The following ACSL4 variants were observed in gnomAD, a reference collection of about 807,000 sequenced individuals.
The protein encoded by ACSL4 is long-chain-fatty-acid--CoA ligase 4.
Under a neutral mutation model 49.1 loss-of-function variants are expected in ACSL4, and 9 were observed. The ratio of observed to expected loss-of-function variants is 0.18; its 90% confidence interval spans 0.11 to 0.32. The LOEUF is 0.32. ACSL4 is among the 10% of genes least tolerant of loss of function. The probability of loss-of-function intolerance (pLI) is 1.00; values close to 1 mark genes in which losing one functional copy is unlikely to be tolerated. For missense variants in ACSL4, 333 were observed against 493.7 expected, an observed-to-expected ratio of 0.67 and a Z score of 3.08; for synonymous variants, 191 against 170.3, an observed-to-expected ratio of 1.12 and a Z score of -0.95.
chrX:109,686,531 G>T (rs1480696443), intron 2 of ACSL4, among the ~76,000 whole-genome samples: 1 of 111,578 alleles, frequency 9.0e-6, no homozygotes, highest in East Asian at 2.8e-4. Flanking sequence ...TGCCCCTAAG[G>T]GGTGAGTACC....
At chrX:109,708,648 C>T (rs1308127412) in intron 1 of ACSL4, among the ~76,000 whole-genome samples, 1 of 112,022 alleles carries the variant, frequency 8.9e-6, no homozygotes, top group Non-Finnish European at 1.9e-5. Context: ...CTTTTGGTGT[C>T]CCTTATGTCA....
rs773986020 is a variant in ACSL4 at position 109,644,805 on chromosome X, G to A, written c.1856-619C>T. ...CACTAGGGAGTGCCAGACAGTGGGC[G>A]CAGGTCAGTGGGTGTGCGCACCATG... On this transcript the variant is annotated intron_variant, in intron 15 of 15. Transcript: ENST00000672401. Among the ~76,000 whole-genome samples the A allele has an allele frequency of 1.8e-3, 203 of 112,924 alleles. 2 individuals carry two copies. Among genetic ancestry groups the A allele is most frequent in the Non-Finnish European group, 1.9e-3 (99 of 53,295 alleles).
chrX:109,690,107 T>C (rs5985400), intron 2 of ACSL4, among the ~76,000 whole-genome samples: 2,791 of 112,652 alleles, frequency 0.025, 43 homozygotes, highest in Middle Eastern at 0.06. Context: ...ATGTTGTTAG[T>C]TGCTTAATAG....
At chrX:109,718,158 G>A (rs1172650087) in intron 1 of ACSL4, among the ~76,000 whole-genome samples, 1 of 112,262 alleles carries the variant, frequency 8.9e-6, no homozygotes, top group African/African-American at 3.2e-5. Flanking sequence ...ATGACAAAAC[G>A]TTACAGCATT....
At chrX:109,671,771 C>A (rs1257257932) in intron 9 of ACSL4, among the ~76,000 whole-genome samples, 1 of 111,635 alleles carries the variant, frequency 9.0e-6, no homozygotes, top group Non-Finnish European at 1.9e-5. Flanking sequence ...AGTCTATAAC[C>A]TTACCCCCAA....
Position 109,671,471 on chromosome X carries a change from G to C in ACSL4, c.1003-2298C>G, listed in dbSNP as rs897091250. ...GGGAGGTGGGGGGCAGCCCCCGCCC[G>C]ACCAGCCACCCCGTCCGGGAGGTGG... On this transcript the variant is annotated intron_variant, in intron 9 of 15. Coordinates refer to ENST00000672401, the MANE Select transcript of ACSL4 (RefSeq NM_001318510.2). Among the ~76,000 whole-genome samples the C allele has an allele frequency of 5.7e-5, 6 of 105,205 alleles. No individual in the cohort carries two copies. In the East Asian group the frequency reaches 1.9e-3, roughly 33 times the overall value. The allele number at this position is 105,205 out of a possible 115,157, so 91.4% of individuals were successfully genotyped here.
chrX:109,717,151 C>T (rs1311371163), intron 1 of ACSL4, among the ~76,000 whole-genome samples: 2 of 111,519 alleles, frequency 1.8e-5, no homozygotes, highest in Non-Finnish European at 3.8e-5. Flanking sequence ...TCTTACCATA[C>T]ATCTTTAACT....
At chrX:109,658,940 A>G (rs1921935043) in intron 15 of ACSL4, among the ~76,000 whole-genome samples, 1 of 112,219 alleles carries the variant, frequency 8.9e-6, no homozygotes, top group Non-Finnish European at 1.9e-5. Context: ...ATTTTCTCCA[A>G]TTGGTTATTA....
intron 1 of ACSL4, among the ~76,000 whole-genome samples, chrX:109,705,972 C>T (rs1385117278): frequency 8.8e-6 from 1 of 113,027 alleles, no homozygotes; most frequent in Non-Finnish European, 1.9e-5. Flanking sequence ...GCTAGGATTA[C>T]AGGCGTAAGC....
At position 109,681,108 on chromosome X, in the gene ACSL4, T is replaced by C. The variant is rs1366286914; in HGVS notation, c.545A>G (p.Lys182Arg). 13 of 1,210,938 alleles carry C rather than the reference T, an allele frequency of 1.1e-5. No individual in the cohort carries two copies. Among genetic ancestry groups the C allele is most frequent in the Non-Finnish European group, 1.3e-5 (12 of 895,001 alleles). The change falls in exon 6 of 16, where the codon AAA becomes AGA. Residue 182 changes from lysine to arginine, a missense_variant. Coordinates refer to ENST00000672401, the MANE Select transcript of ACSL4 (RefSeq NM_001318510.2). ...CTTATTGTCCACATAAATGATATGT[T>C]TAACACAACTGATATCTAACAATGC... ...KTALLDISCV[K>R]HIIYVDNKAI... is the part of the protein sequence containing the mutation.
At chrX:109,716,226 G>A (rs913135330) in intron 1 of ACSL4, among the ~76,000 whole-genome samples, 1 of 111,513 alleles carries the variant, frequency 9.0e-6, no homozygotes, top group Non-Finnish European at 1.9e-5. Context: ...AGGTAGAATA[G>A]GAAAGGAAGG....
intron 2 of ACSL4, among the ~76,000 whole-genome samples, chrX:109,691,294 A>G (rs971598620): frequency 8.9e-6 from 1 of 112,399 alleles, no homozygotes; most frequent in African/African-American, 3.2e-5. Flanking sequence ...AGAGTAATTT[A>G]AGCACCAAAT....
At chrX:109,725,697 G>A (rs188937444) in intron 1 of ACSL4, among the ~76,000 whole-genome samples, 1 of 110,479 alleles carries the variant, frequency 9.1e-6, no homozygotes, top group African/African-American at 3.3e-5. Context: ...CCGAGATCAC[G>A]CCACTGCACT....
At chrX:109,715,739 G>A (rs1162304652) in intron 1 of ACSL4, among the ~76,000 whole-genome samples, 2 of 111,338 alleles carry the variant, frequency 1.8e-5, no homozygotes, top group African/African-American at 3.3e-5. Flanking sequence ...CTAAACAAAA[G>A]TATCCACTTG....
chrX:109,647,960 C>A (rs1320034073), intron 15 of ACSL4, among the ~76,000 whole-genome samples: 1 of 111,214 alleles, frequency 9.0e-6, no homozygotes, highest in Non-Finnish European at 1.9e-5. Context: ...TACACCCTCC[C>A]AAGACTAAAC....
rs1376998709 is a variant in ACSL4, at chrX:109,661,536, G to T, written c.1692C>A (p.Ala564=). 1.1e-5 allele frequency: 13 copies of T among 1,200,910 alleles called. No homozygotes were observed. Among genetic ancestry groups the T allele is most frequent in the Non-Finnish European group, 1.5e-5 (13 of 887,866 alleles). ...ATACAACTTTGGAAAGTTACCTTTTGGCAAAAGCACAGATGTTGTCAATAA... is the reference window on the plus strand; with the variant it reads ...ATACAACTTTGGAAAGTTACCTTTTTGCAAAAGCACAGATGTTGTCAATAA... ...CPLIDNICAF[A]KSDQSYVISF... Residue 564 remains alanine, a synonymous_variant, in exon 14 of 16, where the codon GCC becomes GCA. Coordinates refer to ENST00000672401, the MANE Select transcript of ACSL4 (RefSeq NM_001318510.2).
In ACSL4 at chrX:109,645,304, C is replaced by T. The variant is rs1243696372; in HGVS notation, c.1856-1118G>A. On this transcript the variant is annotated intron_variant, in intron 15 of 15. Transcript: ENST00000672401. The stretch of plus-strand genomic sequence containing the variant: ...AGCTTTGAAGAGATCAGTGGTTCTC[C>T]CAGCACGCAGCTGGAGATCTGAGAA... Among the ~76,000 whole-genome samples, 3 of 112,262 alleles carry T rather than the reference C, an allele frequency of 2.7e-5. No individual in the cohort carries two copies. In the Admixed American group the frequency reaches 2.8e-4, roughly 11 times the overall value.
chrX:109,714,179 T>C (rs978315350), intron 1 of ACSL4, among the ~76,000 whole-genome samples: 1 of 112,131 alleles, frequency 8.9e-6, no homozygotes, highest in African/African-American at 3.2e-5. Flanking sequence ...TTTTTGTTTT[T>C]GTTTTTGTTT....
At chrX:109,661,498 T>G in intron 14 of ACSL4, 33 bp downstream of exon 14, 1 of 1,035,217 alleles carries the variant, frequency 9.7e-7, no homozygotes, top group Non-Finnish European at 1.4e-6. Context: ...TCTTTTGACT[T>G]ACGAAACAAA....
Sources: gnomAD v4.1 joint callset for allele counts (sites outside exome capture counted in the v4.1 genomes callset) on GRCh38, gnomAD v4.1.1 for gene constraint, MANE v1.5 for transcripts, NCBI Gene and HGNC (gene_info 2026-07-23, HGNC 2026-07-21) for gene names.